RPL28: variants seen among roughly 807,000 people sequenced by gnomAD.
The protein encoded by RPL28 is ribosomal protein L28.
In RPL28, 4 loss-of-function variants were observed where a neutral mutation model predicts 12.5. The ratio of observed to expected loss-of-function variants is 0.32; its 90% CI spans 0.16 to 0.73. RPL28 has a LOEUF of 0.73. RPL28 is among the 30% of genes least tolerant of loss of function. RPL28 has a pLI of 0.66. For synonymous variants in RPL28, 91 were observed against 72.5 expected, an observed-to-expected ratio of 1.26 and a Z score of -1.30; for missense variants, 214 against 197.7, an observed-to-expected ratio of 1.08 and a Z score of -0.49.
exon 5 of RPL28, chr19:55,403,094 T>G: frequency 2.8e-6 from 3 of 1,058,046 alleles, no homozygotes; most frequent in Non-Finnish European, 4.2e-6. Context: ...ACCCTTGGCC[T>G]CCACCCACTA....
intron 4 of RPL28, 79 bp downstream of exon 4, chr19:55,388,127 A>G: frequency 2.5e-6 from 4 of 1,596,210 alleles, no homozygotes; most frequent in Non-Finnish European, 3.4e-6. Flanking sequence ...TGGTTGCAAT[A>G]TGGGCTGGAG....
At chr19:55,395,599 A>T (rs572426557), downstream of RPL28, among the ~76,000 whole-genome samples, 40 of 151,602 alleles carry the variant, frequency 2.6e-4, no homozygotes, top group South Asian at 3.8e-3. Context: ...GCCCACCACC[A>T]CACCCGGCTA....
At chr19:55,387,767 T>G in intron 3 of RPL28, 163 bp from the exon 4 acceptor site, 1 of 1,461,124 alleles carries the variant, frequency 6.8e-7, no homozygotes, top group Non-Finnish European at 9.0e-7. Context: ...TGAGCCTCTG[T>G]GAAATGGACA....
At position 55,388,728 on chromosome 19, in the gene RPL28, GT is replaced by G; in HGVS notation, c.*399del. ...CCCTGGGCCCTGGTGCTGTAGCACGGTTTGGGGACTTGGGGTGTTCCCAAGA... is the reference window on the plus strand; with the variant it reads ...CCCTGGGCCCTGGTGCTGTAGCACGGTTGGGGACTTGGGGTGTTCCCAAGA... On this transcript the variant is annotated 3_prime_UTR_variant, in exon 5 of 5. Coordinates refer to ENST00000344063, the MANE Select transcript of RPL28 (RefSeq NM_000991.5). 1 of 1,027,286 alleles carries G rather than the reference GT, an allele frequency of 9.7e-7. No homozygotes were observed. Among genetic ancestry groups the G allele is most frequent in the Non-Finnish European group, 1.2e-6 (1 of 857,994 alleles). The allele number at this position is 1,027,286 out of a possible 1,614,324, so 63.6% of individuals were successfully genotyped here.
Position 55,389,870 on chromosome 19 carries a change from CTGG to C in RPL28, c.*1541_*1543del, listed in dbSNP as rs1453149706. The C allele has an allele frequency of 1.0e-6, 1 of 985,336 alleles. No homozygotes were observed. The highest frequency in any genetic ancestry group is 1.1e-4 in the East Asian group (1 of 8,838). 61.0% of individuals were successfully genotyped at this position (985,336 alleles called of 1,614,324 possible). A position where few individuals can be genotyped will look rare whatever the true frequency, so the allele number is the denominator to read the frequency against. On this transcript the variant is annotated 3_prime_UTR_variant, in exon 5 of 5. Coordinates refer to ENST00000344063, the MANE Select transcript of RPL28 (RefSeq NM_000991.5). ...CCCACCTCCAGCTGGCCTCACTCCG[CTGG>C]TGACTTCGTACCTGCTCAGGAGCCC...
chr19:55,391,659 C>A lies in RPL28; in HGVS notation c.*3327C>A. 1 of 1,543,184 alleles carries A rather than the reference C, an allele frequency of 6.5e-7. No individual in the cohort carries two copies. Among genetic ancestry groups the A allele is most frequent in the South Asian group, 1.2e-5 (1 of 83,876 alleles). ...TCTTCGTACCCTCATCTGTAACATG[C>A]GTGTCGATAGACCCTACTACTCAGG... On this transcript the variant is annotated 3_prime_UTR_variant, in exon 5 of 5. Coordinates refer to ENST00000344063, the MANE Select transcript of RPL28 (RefSeq NM_000991.5).
chr19:55,386,272 T>C, intron 1 of RPL28, 78 bp from the exon 2 acceptor site: 1 of 1,354,458 alleles, frequency 7.4e-7, no homozygotes, highest in Non-Finnish European at 1.0e-6. Flanking sequence ...CTTCCTCTGC[T>C]GTCCGAGCGT....
Position 55,389,804 on chromosome 19 carries a change from A to G in RPL28, c.*1472A>G. The G allele has an allele frequency of 1.0e-6, 1 of 984,620 alleles. No individual in the cohort carries two copies. The highest frequency in any genetic ancestry group is 1.2e-6 in the Non-Finnish European group (1 of 829,338). The allele number at this position is 984,620 out of a possible 1,614,324, so 61.0% of individuals were successfully genotyped here. ...TTAAAACTGAGTTGGGTGACTTGGT[A>G]CCTGCTCAGGACCCCCCGCACTGTC... On this transcript the variant is annotated 3_prime_UTR_variant, in exon 5 of 5. Transcript: ENST00000344063.
chr19:55,391,151 G>GA lies in RPL28; in HGVS notation c.*2822dup, dbSNP rs1372138007. 4.6e-6 allele frequency: 1 copy of GA among 215,820 alleles called. No individual in the cohort carries two copies. Among genetic ancestry groups the GA allele is most frequent in the African/African-American group, 2.3e-5 (1 of 42,802 alleles). 13.4% of individuals were successfully genotyped at this position (215,820 alleles called of 1,614,324 possible). On this transcript the variant is annotated 3_prime_UTR_variant, in exon 5 of 5. Coordinates refer to ENST00000344063, the MANE Select transcript of RPL28 (RefSeq NM_000991.5). ...GCAGTGGGGACACATCCAGAGTGCT[G>GA]AAAGAACCTCCCCCAGGTCATCCTA...
chr19:55,401,610 G>A lies in RPL28; in HGVS notation c.325-1333G>A, dbSNP rs200103438. 1,787 of 1,606,292 alleles carry A rather than the reference G, an allele frequency of 1.1e-3. 20 individuals are homozygous for A. In the African/African-American group the frequency reaches 0.02, roughly 18 times the overall value. On this transcript the variant is annotated intron_variant, in intron 4 of 4. Transcript: ENST00000560055. ...CACTGGCCAGGGCCCGACCGGCTTCGGCCCTGCCGCTGGGCCCGCCGGCGC... is the reference window on the plus strand; with the variant it reads ...CACTGGCCAGGGCCCGACCGGCTTCAGCCCTGCCGCTGGGCCCGCCGGCGC...
Position 55,385,962 on chromosome 19 carries a change from G to A in RPL28, c.-12G>A, listed in dbSNP as rs1600298955. ...TCCGTCTCAGGTCGCCGCTGCGAAG[G>A]GAGGTGAGCGTTCGTCTTCCTCGCG... On this transcript the variant is annotated 5_prime_UTR_variant, in exon 1 of 5. Transcript: ENST00000344063. 4 of 250,504 alleles carry A rather than the reference G, an allele frequency of 1.6e-5. No individual in the cohort carries two copies. Among genetic ancestry groups the A allele is most frequent in the East Asian group, 1.9e-4 (2 of 10,560 alleles). 15.5% of individuals were successfully genotyped at this position (250,504 alleles called of 1,614,324 possible). A position where few individuals can be genotyped will look rare whatever the true frequency, so the allele number is the denominator to read the frequency against.
At chr19:55,387,135 A>G (rs2089938737) in intron 3 of RPL28, 1 of 1,313,602 alleles carries the variant, frequency 7.6e-7, no homozygotes, top group East Asian at 2.5e-5. Context: ...TGTAGGTTAG[A>G]GAAGAGGTCT....
intron 4 of RPL28, chr19:55,401,683 T>G (rs775594881): frequency 1.4e-5 from 23 of 1,612,806 alleles, no homozygotes; most frequent in African/African-American, 2.7e-5. Flanking sequence ...ATACTCCTCG[T>G]AGTTCTCCAA....
chr19:55,396,414 C>T (rs1211172813), downstream of RPL28, among the ~76,000 whole-genome samples: 1 of 148,792 alleles, frequency 6.7e-6, no homozygotes, highest in African/African-American at 2.5e-5. Flanking sequence ...ACCAGACCCT[C>T]AAACCACCCA....
At chr19:55,386,763 T>C (rs1569040110) in intron 3 of RPL28, 70 bp downstream of exon 3, 6 of 1,612,042 alleles carry the variant, frequency 3.7e-6, no homozygotes, top group Non-Finnish European at 5.1e-6. Context: ...TTTTTTACTG[T>C]CAGGCAGGAA....
chr19:55,391,387 C>T lies in RPL28; in HGVS notation c.*3055C>T. Reference sequence around the variant, plus strand: ...TCACAGCCCTGCATAAGGCAGGTGTCTCAGTGTTCACTGCTGTCTCTCCAG... The same window carrying T: ...TCACAGCCCTGCATAAGGCAGGTGTTTCAGTGTTCACTGCTGTCTCTCCAG... On this transcript the variant is annotated 3_prime_UTR_variant, in exon 5 of 5. Coordinates refer to ENST00000344063, the MANE Select transcript of RPL28 (RefSeq NM_000991.5). 1 of 1,265,642 alleles carries T rather than the reference C, an allele frequency of 7.9e-7. No homozygotes were observed. The highest frequency in any genetic ancestry group is 1.0e-6 in the Non-Finnish European group (1 of 1,001,852). 78.4% of individuals were successfully genotyped at this position (1,265,642 alleles called of 1,614,324 possible).
At chr19:55,392,533 T>G (rs1472734757), downstream of RPL28, among the ~76,000 whole-genome samples, 9 of 146,286 alleles carry the variant, frequency 6.2e-5, no homozygotes, top group African/African-American at 2.4e-4. Flanking sequence ...GCACCCAGCC[T>G]CATCTTTTTT....
In RPL28 at chr19:55,390,914, T is replaced by C. The variant is rs2089984256; in HGVS notation, c.*2582T>C. The C allele has an allele frequency of 1.0e-6, 1 of 985,352 alleles. No individual in the cohort carries two copies. The highest frequency in any genetic ancestry group is 1.7e-5 in the African/African-American group (1 of 57,242). 61.0% of individuals were successfully genotyped at this position (985,352 alleles called of 1,614,324 possible). A position where few individuals can be genotyped will look rare whatever the true frequency, so the allele number is the denominator to read the frequency against. ...AGAGATGTTGGATGGGGCCATCTATTCCAGCTTTATTCACACAAATCATGT... is the reference window on the plus strand; with the variant it reads ...AGAGATGTTGGATGGGGCCATCTATCCCAGCTTTATTCACACAAATCATGT... On this transcript the variant is annotated 3_prime_UTR_variant, in exon 5 of 5. Coordinates refer to ENST00000344063, the MANE Select transcript of RPL28 (RefSeq NM_000991.5).
chr19:55,391,911 T>A lies in RPL28; in HGVS notation c.*3579T>A. 7.6e-7 allele frequency: 1 copy of A among 1,314,168 alleles called. No homozygotes were observed. The highest frequency in any genetic ancestry group is 9.7e-7 in the Non-Finnish European group (1 of 1,026,888). The allele number at this position is 1,314,168 out of a possible 1,614,324, so 81.4% of individuals were successfully genotyped here. On this transcript the variant is annotated 3_prime_UTR_variant, in exon 5 of 5. Transcript: ENST00000344063. Reference sequence around the variant, plus strand: ...CAGTAATGCCTGGTGGCTCCAGGTCTGCCCCGCCGTCCTGTGGGGCTGTGA... The same window carrying A: ...CAGTAATGCCTGGTGGCTCCAGGTCAGCCCCGCCGTCCTGTGGGGCTGTGA...
Sources: gnomAD v4.1 joint callset for allele counts (sites outside exome capture counted in the v4.1 genomes callset) on GRCh38, gnomAD v4.1.1 for gene constraint, MANE v1.5 for transcripts, NCBI Gene and HGNC (gene_info 2026-07-23, HGNC 2026-07-21) for gene names.